SETMAR: variants seen among roughly 807,000 people sequenced by gnomAD.
SETMAR encodes SET and mariner transposase domain methyltransferase, also known as histone-lysine N-methyltransferase SETMAR.
In SETMAR, 44 loss-of-function variants were observed where a neutral mutation model predicts 58.4. The ratio of observed to expected loss-of-function variants is 0.75; its 90% CI spans 0.59 to 0.97. The LOEUF (loss-of-function observed/expected upper bound fraction) is 0.97. SETMAR is among the 50% of genes least tolerant of loss of function. SETMAR has a pLI of 0.00. For synonymous variants in SETMAR, 332 were observed against 307.4 expected (o/e 1.08, Z -0.84); for missense variants, 903 against 840.2 (o/e 1.07, Z -0.92).
intron 1 of SETMAR, among the ~76,000 whole-genome samples, chr3:4,311,397 C>T (rs1344750508): frequency 3.3e-5 from 5 of 152,168 alleles, no homozygotes; most frequent in East Asian, 1.9e-4. Context: ...AATGAAAGGC[C>T]GTGCAACTGG....
intron 1 of SETMAR, among the ~76,000 whole-genome samples, chr3:4,306,796 A>T (rs1371338059): frequency 6.6e-6 from 1 of 152,264 alleles, no homozygotes; most frequent in Non-Finnish European, 1.5e-5. Flanking sequence ...AGATAAAAAT[A>T]ACTTTGTGTC....
chr3:4,306,927 T>C lies in SETMAR; in HGVS notation c.156+3401T>C, dbSNP rs1301814875. Among the ~76,000 whole-genome samples the C allele has an allele frequency of 2.0e-5, 3 of 152,256 alleles. No homozygotes were observed. In the East Asian group the frequency reaches 5.8e-4, roughly 29 times the overall value. On this transcript the variant is annotated intron_variant, in intron 1 of 2. Transcript: ENST00000358065. ...AAGTAGAAAATAAACTAATTGATTTTATTGAGCTAACAGTTGGATCTAACC... is the reference window on the plus strand; with the variant it reads ...AAGTAGAAAATAAACTAATTGATTTCATTGAGCTAACAGTTGGATCTAACC...
intron 1 of SETMAR, chr3:4,303,961 C>A: frequency 3.5e-6 from 3 of 865,964 alleles, no homozygotes; most frequent in Non-Finnish European, 4.6e-6. Context: ...GTCTCCCTCA[C>A]GCTGTGGGCT....
rs746676394 is a variant in SETMAR at position 4,313,410 on chromosome 3, T to C, written c.669T>C (p.Asn223=). ...TAGGAAATATTGGAAGATTCCTTAA[T>C]CATTCTTGTGAGCCAAACCTTTTGA... ...TYIGNIGRFL[N]HSCEPNLLMI... The change falls in exon 2 of 3, where the codon AAT becomes AAC. Residue 223 remains asparagine, a synonymous_variant. Coordinates refer to ENST00000358065, the MANE Select transcript of SETMAR (RefSeq NM_006515.4). The C allele has an allele frequency of 1.5e-5, 24 of 1,613,894 alleles. No homozygotes were observed. The East Asian group carries it at 5.1e-4, about 34-fold the overall frequency.
intron 1 of SETMAR, among the ~76,000 whole-genome samples, chr3:4,312,134 C>A (rs533969364): frequency 2.0e-5 from 3 of 152,018 alleles, no homozygotes; most frequent in Non-Finnish European, 4.4e-5. Context: ...CTAGTAATAT[C>A]TATTTAAGAA....
At chr3:4,314,223 A>G (rs189095812) in intron 2 of SETMAR, 192 of 164,710 alleles carry the variant, frequency 1.2e-3, no homozygotes, top group South Asian at 2.3e-3. Context: ...GTGATCTGAC[A>G]CCTTTGTACT....
intron 1 of SETMAR, among the ~76,000 whole-genome samples, chr3:4,308,594 A>C (rs1019863380): frequency 6.6e-5 from 10 of 152,164 alleles, no homozygotes; most frequent in African/African-American, 2.4e-5. Flanking sequence ...TATAGCTACT[A>C]ATCTGAAGCC....
chr3:4,315,957 GAATC>G, intron 2 of SETMAR, among the ~76,000 whole-genome samples: 1 of 146,738 alleles, frequency 6.8e-6, no homozygotes, highest in Non-Finnish European at 1.5e-5. Context: ...TGAGGTACGA[GAATC>G]ACTTGAGCCC....
chr3:4,304,185 A>G, intron 1 of SETMAR: 1 of 156,770 alleles, frequency 6.4e-6, no homozygotes, highest in Non-Finnish European at 1.4e-5. Context: ...TCTGTCGCCC[A>G]GGCTGGAGTG....
rs1159947842 is a variant in SETMAR at position 4,312,917 on chromosome 3, T to C, written c.176T>C (p.Val59Ala). The C allele has an allele frequency of 1.2e-6, 2 of 1,612,242 alleles. No individual in the cohort carries two copies. Among genetic ancestry groups the C allele is most frequent in the Non-Finnish European group, 1.7e-6 (2 of 1,178,840 alleles). The change falls in exon 2 of 3, where the codon GTT (valine) becomes GCT (alanine). Residue 59 changes from valine to alanine, a missense_variant. Coordinates refer to ENST00000358065, the MANE Select transcript of SETMAR (RefSeq NM_006515.4). ...APFQYTPDHV[V>A]GPGADIDPTQ... ...TTACAGTACACTCCTGATCATGTAG[T>C]TGGACCTGGAGCAGACATTGATCCC...
chr3:4,310,473 G>A (rs1266751133), intron 1 of SETMAR, among the ~76,000 whole-genome samples: 2 of 152,086 alleles, frequency 1.3e-5, no homozygotes, highest in Admixed American at 6.6e-5. Flanking sequence ...GCAATTATTG[G>A]TATCAGGATC....
chr3:4,307,166 G>A (rs1197567589), intron 1 of SETMAR, among the ~76,000 whole-genome samples: 1 of 152,128 alleles, frequency 6.6e-6, no homozygotes, highest in Admixed American at 6.5e-5. Flanking sequence ...TAATTCAGAG[G>A]CCCAGGTTTT....
At chr3:4,311,981 G>T (rs1698423257) in intron 1 of SETMAR, among the ~76,000 whole-genome samples, 1 of 152,054 alleles carries the variant, frequency 6.6e-6, no homozygotes, top group Non-Finnish European at 1.5e-5. Context: ...TTTAGATTGA[G>T]GATTGTCTTC....
Position 4,308,767 on chromosome 3 carries a change from C to G in SETMAR, c.157-4131C>G, listed in dbSNP as rs375240700. On this transcript the variant is annotated intron_variant, in intron 1 of 2. Coordinates refer to ENST00000358065, the MANE Select transcript of SETMAR (RefSeq NM_006515.4). Reference sequence around the variant, plus strand: ...TCCTGCCTGGTCTGCACACTTTGCTCTAGTCTAACCTCCTAATTGAAGACA... The same window carrying G: ...TCCTGCCTGGTCTGCACACTTTGCTGTAGTCTAACCTCCTAATTGAAGACA... Among the ~76,000 whole-genome samples the G allele has an allele frequency of 3.9e-5, 6 of 152,216 alleles. No homozygotes were observed. In the South Asian group the frequency reaches 1.2e-3, roughly 32 times the overall value.
intron 1 of SETMAR, among the ~76,000 whole-genome samples, chr3:4,312,427 T>C (rs2125095676): frequency 6.6e-6 from 1 of 152,240 alleles, no homozygotes; most frequent in South Asian, 2.1e-4. Flanking sequence ...ATTGTCCTTA[T>C]ACATACATAA....
Position 4,316,758 on chromosome 3 carries a change from A to G in SETMAR, c.1567A>G (p.Lys523Glu). The G allele has an allele frequency of 6.4e-7, 1 of 1,550,788 alleles. No homozygotes were observed. Residue 523 changes from lysine (K) to glutamate (E), a missense_variant, in exon 3 of 3, where the codon AAG becomes GAG. By Grantham distance (56) the Lys-to-Glu change is moderately conservative. Transcript: ENST00000358065. ...AGAAGAAGCTCCAAAGCACTTCCCA[A>G]AGCCAATCTTGCACCCAAAAAAGGT... ...DQEEAPKHFPKPILHPKKVMV... is the reference protein window; with the variant it reads ...DQEEAPKHFPEPILHPKKVMV...
intron 1 of SETMAR, among the ~76,000 whole-genome samples, chr3:4,308,781 T>C (rs1698291896): frequency 6.6e-6 from 1 of 152,238 alleles, no homozygotes; most frequent in Non-Finnish European, 1.5e-5. Context: ...TCTAACCTCC[T>C]AATTGAAGAC....
intron 1 of SETMAR, among the ~76,000 whole-genome samples, chr3:4,310,881 G>C (rs1269327170): frequency 2.0e-5 from 3 of 152,050 alleles, no homozygotes; most frequent in Non-Finnish European, 4.4e-5. Context: ...TTAACAAAGA[G>C]ATCTTCATTT....
rs1698468393 is a variant in SETMAR at position 4,312,928 on chromosome 3, G to A, written c.187G>A (p.Ala63Thr). The change falls in exon 2 of 3, where the codon GCA becomes ACA. Residue 63 changes from alanine to threonine, a missense_variant. By Grantham distance (58) the Ala-to-Thr change is moderately conservative (BLOSUM62 0). Transcript: ENST00000358065. ...YTPDHVVGPGADIDPTQITFP... is the reference protein window; with the variant it reads ...YTPDHVVGPGTDIDPTQITFP... ...TCCTGATCATGTAGTTGGACCTGGAGCAGACATTGATCCCACTCAAATAAC... is the reference window on the plus strand; with the variant it reads ...TCCTGATCATGTAGTTGGACCTGGAACAGACATTGATCCCACTCAAATAAC... 2 of 1,613,108 alleles carry A rather than the reference G, an allele frequency of 1.2e-6. No individual in the cohort carries two copies. The highest frequency in any genetic ancestry group is 1.1e-5 in the South Asian group (1 of 90,966).
Sources: gnomAD v4.1 joint callset for allele counts (sites outside exome capture counted in the v4.1 genomes callset) on GRCh38, gnomAD v4.1.1 for gene constraint, MANE v1.5 for transcripts, NCBI Gene and HGNC (gene_info 2026-07-23, HGNC 2026-07-21) for gene names.